HELZ2: variants seen among roughly 807,000 people sequenced by gnomAD.
HELZ2 encodes the protein helicase with zinc finger 2, also known as 3'-5' exoribonuclease HELZ2.
Under a neutral mutation model 208.8 loss-of-function variants are expected in HELZ2, and 143 were observed. The ratio of observed to expected loss-of-function variants is 0.68; its 90% CI spans 0.60 to 0.79. HELZ2 has a LOEUF of 0.79. Ranked by LOEUF, HELZ2 falls within the 30% of genes least tolerant of loss-of-function variation. HELZ2 has a pLI of 0.00. For synonymous variants in HELZ2, 1,705 were observed against 1,693.7 expected (o/e 1.01, Z -0.16); for missense variants, 3,690 against 3,794.5 (o/e 0.97, Z 0.72).
chr20:63,564,761 T>A, exon 8 of HELZ2: 1 of 1,611,928 alleles, frequency 6.2e-7, no homozygotes, highest in Non-Finnish European at 8.5e-7. Context: ...GAGGGCATCA[T>A]CGAGGTTGCA....
exon 4 of HELZ2, chr20:63,569,533 A>G: frequency 6.2e-7 from 1 of 1,608,598 alleles, no homozygotes; most frequent in Non-Finnish European, 8.5e-7. Context: ...CCCACCTGGA[A>G]GTCGGCAGTG....
rs1191705226 is a variant in HELZ2, at chr20:63,560,708, G to A, written c.7282-11C>T. The A allele has an allele frequency of 6.2e-7, 1 of 1,607,092 alleles. No homozygotes were observed. Among genetic ancestry groups the A allele is most frequent in the Non-Finnish European group, 8.5e-7 (1 of 1,179,204 alleles). On this transcript the variant is annotated splice_polypyrimidine_tract_variant and intron_variant, in intron 15 of 18. Transcript: ENST00000467148. The stretch of plus-strand genomic sequence containing the variant: ...ACAGATGCCCTCATGCTGCAGGCAA[G>A]GATGTGCGCTGGTCAGAGGCTGCCA...
At chr20:63,569,270 G>C in exon 4 of HELZ2, 1 of 1,575,758 alleles carries the variant, frequency 6.3e-7, no homozygotes, top group Non-Finnish European at 8.6e-7. Flanking sequence ...CCAGGGCCAG[G>C]GCAGGGCCCT....
chr20:63,559,547 G>A (rs570738820), intron 18 of HELZ2, among the ~76,000 whole-genome samples, 177 bp from the exon 20 acceptor site: 58 of 62,652 alleles, frequency 9.3e-4, no homozygotes, highest in African/African-American at 3.5e-3. Context: ...GAGGAGTCAG[G>A]GTCAGGTGGG....
upstream of HELZ2, chr20:63,572,717 T>C: frequency 3.1e-6 from 1 of 323,854 alleles, no homozygotes; most frequent in Non-Finnish European, 5.7e-6. Context: ...CCCGCTGCCC[T>C]GCACCTCCGC....
chr20:63,565,954 C>T (rs766006575), exon 8 of HELZ2: 8 of 1,599,052 alleles, frequency 5.0e-6, no homozygotes, highest in South Asian at 1.1e-5. Context: ...GCCGTCTCTG[C>T]GCCACACCCT....
Position 63,570,667 on chromosome 20 carries a change from C to CCCCCCCCCG in HELZ2, c.462+17_462+18insCGGGGGGGG. On this transcript the variant is annotated intron_variant, in intron 2 of 18. Transcript: ENST00000467148. ...CCTGGACCCCACCCCACCCCACCCA[C>CCCCCCCCCG]TCCCAGGGCCCACTTACCACAAGGA... 6.7e-7 allele frequency: 1 copy of CCCCCCCCCG among 1,493,142 alleles called. No homozygotes were observed. 92.5% of individuals were successfully genotyped at this position (1,493,142 alleles called of 1,614,324 possible).
exon 3 of HELZ2, chr20:63,570,576 G>A (rs1271153740): frequency 1.2e-6 from 2 of 1,613,192 alleles, no homozygotes; most frequent in South Asian, 1.1e-5. Flanking sequence ...GGGGCTGGTT[G>A]CAGGTGACAC....
chr20:63,564,486 C>T (rs768698573), exon 8 of HELZ2: 3 of 1,586,338 alleles, frequency 1.9e-6, no homozygotes, highest in Non-Finnish European at 2.6e-6. Context: ...ACGGAGGGTG[C>T]AAAGCGCAGG....
rs777699665 is a variant in HELZ2, at chr20:63,566,136, G to A, written c.2686C>T (p.Arg896Cys). Residue 896 changes from arginine to cysteine, a missense_variant, in exon 8 of 19, where the codon CGC becomes TGC. By Grantham distance (180) the Arg-to-Cys change is radical. This residue lies in a region of HELZ2 where 2,564 missense variants were observed against 2,580.5 expected (regional missense o/e 0.99). Coordinates refer to ENST00000467148, the Ensembl canonical transcript of HELZ2. ...CGGGTCAGGACGGTGTTGAGCACGCGGGCGTCGGTGAAGAACTCAGGGGCC... is the reference window on the plus strand; with the variant it reads ...CGGGTCAGGACGGTGTTGAGCACGCAGGCGTCGGTGAAGAACTCAGGGGCC... 2.1e-5 allele frequency: 33 copies of A among 1,569,178 alleles called. No individual in the cohort carries two copies. Among genetic ancestry groups the A allele is most frequent in the Non-Finnish European group, 2.6e-5 (30 of 1,163,334 alleles).
exon 8 of HELZ2, chr20:63,564,313 G>A (rs116011482): frequency 0.052 from 82,899 of 1,599,096 alleles, 2,671 homozygotes; most frequent in Middle Eastern, 0.12. Context: ...AGAAGCAGTC[G>A]GACCGCAGGC....
chr20:63,563,848 G>T (rs766732405), exon 8 of HELZ2: 1 of 1,595,252 alleles, frequency 6.3e-7, no homozygotes, highest in Non-Finnish European at 8.5e-7. Flanking sequence ...AGTAGTGGCC[G>T]CCCTGCTGCT....
exon 8 of HELZ2, chr20:63,563,910 G>C: frequency 6.3e-7 from 1 of 1,594,768 alleles, no homozygotes; most frequent in African/African-American, 1.3e-5. Context: ...GCCTTGCGGA[G>C]GTCGCGGCCT....
rs141312352 is a variant in HELZ2, at chr20:63,561,106, C to T, written c.7122G>A (p.Leu2374=). The stretch of plus-strand genomic sequence containing the variant: ...CCTTCTCGGCCTGTGGGAACTGCAC[C>T]AGGGGGATGAGGGTTTCAGGTTCCG... Residue 2374 remains leucine, a synonymous_variant, in exon 14 of 19, where the codon CTG becomes CTA. Coordinates refer to ENST00000467148, the Ensembl canonical transcript of HELZ2. 2.2e-4 allele frequency: 353 copies of T among 1,612,430 alleles called. 4 individuals carry two copies. Among genetic ancestry groups the T allele is most frequent in the Non-Finnish European group, 6.2e-5 (73 of 1,179,758 alleles).
At chr20:63,572,125 C>G (rs773523620) in exon 1 of HELZ2, 1 of 1,610,834 alleles carries the variant, frequency 6.2e-7, no homozygotes, top group Non-Finnish European at 8.5e-7. Flanking sequence ...AGAGCTCGAA[C>G]TTGGAGAGTC....
chr20:63,562,859 C>T (rs115251319), exon 8 of HELZ2: 14 of 1,607,688 alleles, frequency 8.7e-6, no homozygotes, highest in African/African-American at 2.7e-5. Context: ...GGCCTCCAGG[C>T]GGAAGGCGCC....
chr20:63,561,906 C>A lies in HELZ2; in HGVS notation c.6608G>T (p.Gly2203Val), dbSNP rs1313227943. Residue 2203 changes from glycine (G) to valine (V), a missense_variant, in exon 11 of 19, where the codon GGC (glycine) becomes GTC (valine). Around this residue, in one of 3 missense-constraint regions of HELZ2, gnomAD observed 2,564 missense variants for 2,580.5 expected, o/e 0.99. Transcript: ENST00000467148. ...CAGCCGCTTCTCCCCACGGGGGGGGCCTCCGGGCTGCACCTGCTCCTGGTT... is the reference window on the plus strand; with the variant it reads ...CAGCCGCTTCTCCCCACGGGGGGGGACTCCGGGCTGCACCTGCTCCTGGTT... The A allele has an allele frequency of 3.8e-6, 6 of 1,583,942 alleles. No homozygotes were observed. The African/African-American group carries it at 5.4e-5, about 14-fold the overall frequency.
At chr20:63,562,180 G>C (rs543203189) in exon 10 of HELZ2, 2 of 1,612,002 alleles carry the variant, frequency 1.2e-6, no homozygotes, top group Non-Finnish European at 1.7e-6. Flanking sequence ...TAGGTCTGCC[G>C]CTCCAGGAAC....
chr20:63,565,985 A>G, exon 8 of HELZ2: 2 of 1,598,928 alleles, frequency 1.3e-6, no homozygotes, highest in Non-Finnish European at 1.7e-6. Context: ...CTCCATGGAC[A>G]GGCCCTCGGG....
Sources: allele counts gnomAD v4.1 joint callset (sites outside exome capture counted in the v4.1 genomes callset), GRCh38; gene constraint gnomAD v4.1.1; regional missense constraint gnomAD v4.1.1; transcripts MANE v1.5; gene names NCBI Gene and HGNC (gene_info 2026-07-23, HGNC 2026-07-21).